The following LRMDA variants were observed in gnomAD, a reference collection of about 807,000 sequenced individuals.
LRMDA encodes the protein leucine rich melanocyte differentiation associated.
A neutral mutation model predicts 29.8 loss-of-function variants in LRMDA; 18 were observed. The ratio of observed to expected loss-of-function variants is 0.60; its 90% CI spans 0.42 to 0.90. The LOEUF (loss-of-function observed/expected upper bound fraction) is 0.90, where lower values mean the gene tolerates loss of function less well. LRMDA is among the 40% of genes least tolerant of loss of function. The pLI, the probability that LRMDA is intolerant of heterozygous loss-of-function variation, is 0.00. For synonymous variants in LRMDA, 125 were observed against 109.4 expected (o/e 1.14, Z -0.89); for missense variants, 273 against 273.9 (o/e 1.00, Z 0.02).
At chr10:76,557,118 T>C in intron 6 of LRMDA, 91 bp from the exon 7 acceptor site, 2 of 1,016,712 alleles carry the variant, frequency 2.0e-6, no homozygotes, top group South Asian at 2.6e-5. Flanking sequence ...ATTGGATCTA[T>C]GATTATCTTG....
intron 5 of LRMDA, among the ~76,000 whole-genome samples, chr10:76,119,595 C>T (rs144794475): frequency 2.2e-3 from 339 of 152,246 alleles, no homozygotes; most frequent in African/African-American, 7.8e-3. Context: ...AGCTATTGTT[C>T]TCACTTTCTG....
chr10:75,644,828 C>G lies in LRMDA; in HGVS notation c.131+206334C>G, dbSNP rs1225023621. Among the ~76,000 whole-genome samples, 3 of 152,068 alleles carry G rather than the reference C, an allele frequency of 2.0e-5. No homozygotes were observed. In the East Asian group the frequency reaches 5.8e-4, roughly 29 times the overall value. ...TGAGAACTGCAAAGAAGGGCTTTAC[C>G]CTACTTCACTTCTGCAGAATTCCAG... is the stretch of plus-strand genomic sequence containing the variant. On this transcript the variant is annotated intron_variant, in intron 2 of 6. Transcript: ENST00000611255.
chr10:75,848,107 C>T (rs866779613), intron 2 of LRMDA, among the ~76,000 whole-genome samples: 1 of 152,158 alleles, frequency 6.6e-6, no homozygotes, highest in Admixed American at 6.5e-5. Flanking sequence ...GGGACAATTT[C>T]TCACTTATGT....
Position 75,431,641 on chromosome 10 carries a change from C to G in LRMDA, c.-84C>G. ...GACTGCCCAGTGCGGAACTGTGCGC[C>G]CGCCGCGCTCCCCTGCCGCGCTCCC... On this transcript the variant is annotated 5_prime_UTR_variant, in exon 1 of 7. Coordinates refer to ENST00000611255, the MANE Select transcript of LRMDA (RefSeq NM_001305581.2). The G allele has an allele frequency of 2.6e-6, 3 of 1,166,970 alleles. No homozygotes were observed. The highest frequency in any genetic ancestry group is 3.2e-6 in the Non-Finnish European group (3 of 940,466). The allele number at this position is 1,166,970 out of a possible 1,614,324, so 72.3% of individuals were successfully genotyped here. A position where few individuals can be genotyped will look rare whatever the true frequency, so the allele number is the denominator to read the frequency against.
chr10:75,521,395 C>T (rs1304336430), intron 2 of LRMDA, among the ~76,000 whole-genome samples: 1 of 152,226 alleles, frequency 6.6e-6, no homozygotes, highest in East Asian at 1.9e-4. Flanking sequence ...CTTTGTTTAC[C>T]TACTCAAGCC....
chr10:76,534,707 A>G (rs57972153), intron 6 of LRMDA, among the ~76,000 whole-genome samples: 5,097 of 152,298 alleles, frequency 0.033, 114 homozygotes, highest in Non-Finnish European at 0.043. Flanking sequence ...TCATTTGGCA[A>G]TGATAATACA....
At chr10:76,013,939 C>G (rs530324697) in intron 2 of LRMDA, among the ~76,000 whole-genome samples, 2 of 151,090 alleles carry the variant, frequency 1.3e-5, no homozygotes, top group African/African-American at 4.9e-5. Flanking sequence ...AGCCCTCAAC[C>G]AATGACTGAT....
intron 2 of LRMDA, among the ~76,000 whole-genome samples, chr10:75,626,168 A>T (rs888578271): frequency 6.6e-6 from 1 of 151,816 alleles, no homozygotes; most frequent in Non-Finnish European, 1.5e-5. Context: ...GGCCAAGAGG[A>T]TGCTCTATTT....
intron 5 of LRMDA, among the ~76,000 whole-genome samples, chr10:76,199,830 G>A (rs533917654): frequency 4.9e-4 from 74 of 152,240 alleles, no homozygotes; most frequent in African/African-American, 1.6e-3. Context: ...GCTTTTTCAC[G>A]TGCTCTGAAG....
At chr10:76,178,838 G>T (rs1296124766) in intron 5 of LRMDA, among the ~76,000 whole-genome samples, 1 of 152,196 alleles carries the variant, frequency 6.6e-6, no homozygotes, top group Non-Finnish European at 1.5e-5. Context: ...AATACCCAGT[G>T]ACACCTCTCA....
rs139435784 is a variant in LRMDA at position 76,276,397 on chromosome 10, G to A, written c.517-48004G>A. On this transcript the variant is annotated intron_variant, in intron 5 of 6. Coordinates refer to ENST00000611255, the MANE Select transcript of LRMDA (RefSeq NM_001305581.2). ...GGGCTCAAGTGATCCTCCCACCTTG[G>A]CCTCTCAAAGTGTCAGGATTACAAA... Among the ~76,000 whole-genome samples the A allele has an allele frequency of 1.6e-4, 25 of 151,974 alleles. No individual in the cohort carries two copies. In the East Asian group the frequency reaches 4.6e-3, roughly 28 times the overall value.
chr10:76,029,936 C>T (rs115320864), intron 2 of LRMDA, among the ~76,000 whole-genome samples: 4 of 152,198 alleles, frequency 2.6e-5, no homozygotes, highest in African/African-American at 9.6e-5. Context: ...CGCTCTGTTG[C>T]CCAGGCTGGA....
chr10:75,861,144 G>A (rs61578783), intron 2 of LRMDA, among the ~76,000 whole-genome samples: 20,572 of 152,250 alleles, frequency 0.14, 1,831 homozygotes, highest in Admixed American at 0.21. Flanking sequence ...CAAATGGGAT[G>A]TGCTTTGATA....
chr10:76,271,951 A>G (rs1840073041), intron 5 of LRMDA, among the ~76,000 whole-genome samples: 1 of 152,110 alleles, frequency 6.6e-6, no homozygotes, highest in African/African-American at 2.4e-5. Context: ...GTTCAGGGAG[A>G]AAGAAGGGGC....
intron 4 of LRMDA, among the ~76,000 whole-genome samples, chr10:76,048,183 T>C (rs1848472114): frequency 6.6e-6 from 1 of 152,210 alleles, no homozygotes; most frequent in Non-Finnish European, 1.5e-5. Flanking sequence ...ATTTTGTATA[T>C]GTATATATGC....
chr10:75,537,055 C>G (rs986292957), intron 2 of LRMDA, among the ~76,000 whole-genome samples: 2 of 152,142 alleles, frequency 1.3e-5, no homozygotes, highest in East Asian at 3.8e-4. Flanking sequence ...TTCAGCTACT[C>G]CCTTGCCTTA....
intron 2 of LRMDA, among the ~76,000 whole-genome samples, chr10:75,994,379 C>G (rs1013022498): frequency 6.6e-6 from 1 of 152,194 alleles, no homozygotes; most frequent in Non-Finnish European, 1.5e-5. Flanking sequence ...GCTCCTTCTG[C>G]ACCCTAGGAT....
chr10:76,545,662 A>ATTATTG (rs1554827112), intron 6 of LRMDA, among the ~76,000 whole-genome samples: 4 of 143,954 alleles, frequency 2.8e-5, no homozygotes, highest in Non-Finnish European at 6.1e-5. Context: ...TATTATTATT[A>ATTATTG]TTATTATTAT....
chr10:75,980,132 C>G (rs1450237266), intron 2 of LRMDA, among the ~76,000 whole-genome samples: 1 of 152,190 alleles, frequency 6.6e-6, no homozygotes, highest in African/African-American at 2.4e-5. Flanking sequence ...GGTCTTCACT[C>G]AAAGGGATAA....
Sources: gnomAD v4.1 joint callset for allele counts (sites outside exome capture counted in the v4.1 genomes callset) on GRCh38, gnomAD v4.1.1 for gene constraint, MANE v1.5 for transcripts, NCBI Gene and HGNC (gene_info 2026-07-23, HGNC 2026-07-21) for gene names.